TTN: variants seen among roughly 807,000 people sequenced by gnomAD.
TTN encodes connectin.
TTN carries 1,525 observed loss-of-function variants against 3,223.0 expected under a neutral mutation model. The ratio of observed to expected loss-of-function variants is 0.47; its 90% CI spans 0.45 to 0.49. The LOEUF is 0.49. Among genes scored for constraint, TTN ranks in the 20% least tolerant of loss-of-function variants. TTN has a pLI of 0.00. For missense variants in TTN, 40,786 were observed against 43,424.0 expected (o/e 0.94, Z 5.40); for synonymous variants, 14,094 against 15,161.0 (o/e 0.93, Z 5.17).
chr2:178,564,729 T>C lies in TTN; in HGVS notation c.81403A>G (p.Thr27135Ala). 6.2e-7 allele frequency: 1 copy of C among 1,613,192 alleles called. No individual in the cohort carries two copies. The highest frequency in any genetic ancestry group is 8.5e-7 in the Non-Finnish European group (1 of 1,179,538). Residue 27135 changes from threonine (T) to alanine (A), a missense_variant, in exon 326 of 363, where the codon ACT becomes GCT. Thr to Ala is a moderately conservative substitution (Grantham distance 58). Transcript: ENST00000589042. ...TACTCAAGGCCCTCATCAAGCCCAG[T>C]TGTTTTGAATTTGGTGTCCTGAATG... is the stretch of plus-strand genomic sequence containing the variant. ...TPIQDTKFKT[T>A]GLDEGLEYEF...
At chr2:178,792,275 CAT>C (rs1439570197) in intron 9 of TTN, 78 bp from the exon 10 acceptor site, 2 of 1,428,356 alleles carry the variant, frequency 1.4e-6, no homozygotes, top group Admixed American at 4.5e-5. Flanking sequence ...AATATAACAA[CAT>C]AGGAATTTGA....
At position 178,739,420 on chromosome 2, in the gene TTN, C is replaced by T; in HGVS notation, c.13813G>A (p.Gly4605Ser). ...ACTAAAGGTGTATGTATCATGGGGC[C>T]ATCCTCTTTGATTAAGCCACCCTCA... ...EAEGGLIKED[G>S]PMIHTPLVDT... The change falls in exon 48 of 363, where the codon GGC becomes AGC. Residue 4605 changes from glycine (G) to serine (S), a missense_variant. Transcript: ENST00000589042. 4 of 1,613,806 alleles carry T rather than the reference C, an allele frequency of 2.5e-6. No homozygotes were observed. The highest frequency in any genetic ancestry group is 2.5e-6 in the Non-Finnish European group (3 of 1,179,830).
At position 178,794,481 on chromosome 2, in the gene TTN, C is replaced by G; in HGVS notation, c.1316G>C (p.Arg439Thr). The G allele has an allele frequency of 6.2e-7, 1 of 1,614,184 alleles. No homozygotes were observed. Among genetic ancestry groups the G allele is most frequent in the Non-Finnish European group, 8.5e-7 (1 of 1,180,016 alleles). ...CTCTACAGCGCTGATCACTGGTTCT[C>G]TCACTCTGGCCATATCAACGGCAGC... ...VVAAVDMARV[R>T]EPVISAVEQT... Residue 439 changes from arginine (R) to threonine (T), a missense_variant, in exon 8 of 363, where the codon AGA (arginine) becomes ACA (threonine). Physicochemically the swap from Arg to Thr is moderately conservative, Grantham distance 71 (BLOSUM62 -1). Coordinates refer to ENST00000589042, the MANE Select transcript of TTN (RefSeq NM_001267550.2).
intron 43 of TTN, 140 bp downstream of exon 43, chr2:178,764,037 A>C: frequency 7.9e-7 from 1 of 1,271,534 alleles, no homozygotes; most frequent in East Asian, 2.4e-5. Context: ...TAATAATTGA[A>C]ATAAGTTTTC....
rs2062544616 is a variant in TTN, at chr2:178,649,341, T to C, written c.39974-10A>G. 2 of 1,430,760 alleles carry C rather than the reference T, an allele frequency of 1.4e-6. No individual in the cohort carries two copies. The highest frequency in any genetic ancestry group is 1.8e-6 in the Non-Finnish European group (2 of 1,095,524). The allele number at this position is 1,430,760 out of a possible 1,614,324, so 88.6% of individuals were successfully genotyped here. A position where few individuals can be genotyped will look rare whatever the true frequency, so the allele number is the denominator to read the frequency against. ...TTGGGCACCTCAGGCACTTTGAAGA[T>C]ATTAGTTTTGTTTTAAAAATAGTAT... On this transcript the variant is annotated splice_polypyrimidine_tract_variant and intron_variant, in intron 212 of 362. Coordinates refer to ENST00000589042, the MANE Select transcript of TTN (RefSeq NM_001267550.2).
At position 178,568,242 on chromosome 2, in the gene TTN, T is replaced by C. The variant is rs745748153; in HGVS notation, c.77890A>G (p.Arg25964Gly). ...KLKTGTEYQFRIFAENRYGQS... is the reference protein window; with the variant it reads ...KLKTGTEYQFGIFAENRYGQS... ...CCATATCTGTTTTCGGCAAATATTC[T>C]AAATTGGTATTCTGTACCAGTTTTC... The change falls in exon 326 of 363, where the codon AGA becomes GGA. Residue 25964 changes from arginine to glycine, a missense_variant. Arg to Gly is a moderately radical substitution (Grantham distance 125). Coordinates refer to ENST00000589042, the MANE Select transcript of TTN (RefSeq NM_001267550.2). 1.2e-6 allele frequency: 2 copies of C among 1,613,576 alleles called. No homozygotes were observed. The highest frequency in any genetic ancestry group is 2.2e-5 in the South Asian group (2 of 91,078).
At chr2:178,667,360 A>G (rs528476441) in intron 161 of TTN, 41 bp from the exon 162 acceptor site, 444 of 1,571,878 alleles carry the variant, frequency 2.8e-4, no homozygotes, top group South Asian at 4.8e-4. Flanking sequence ...AAGTTGTAAA[A>G]ACAGTAAATT....
intron 281 of TTN, among the ~76,000 whole-genome samples, 182 bp downstream of exon 281, chr2:178,604,526 G>A (rs72646815): frequency 6.6e-6 from 1 of 151,958 alleles, no homozygotes; most frequent in African/African-American, 2.4e-5. Context: ...GAGTATCTGT[G>A]TATCAAACGC....
At chr2:178,689,722 G>T in intron 122 of TTN, 91 bp downstream of exon 122, 1 of 1,454,528 alleles carries the variant, frequency 6.9e-7, no homozygotes, top group Non-Finnish European at 9.4e-7. Flanking sequence ...CATTCATTTA[G>T]AATTAAACTA....
Position 178,794,565 on chromosome 2 carries a change from G to A in TTN, c.1246-14C>T, listed in dbSNP as rs753427490. On this transcript the variant is annotated splice_polypyrimidine_tract_variant and intron_variant, in intron 7 of 362. Coordinates refer to ENST00000589042, the MANE Select transcript of TTN (RefSeq NM_001267550.2). ...ATCTTGTTTCACCTAGATTAGAAAT[G>A]ACCAAGTAGATTACTTTTTTAAATG... 2.5e-6 allele frequency: 4 copies of A among 1,613,960 alleles called. No homozygotes were observed. Among genetic ancestry groups the A allele is most frequent in the African/African-American group, 1.3e-5 (1 of 74,932 alleles).
chr2:178,795,319 G>A (rs1647928117), intron 6 of TTN, 67 bp from the exon 7 acceptor site: 1 of 1,497,916 alleles, frequency 6.7e-7, no homozygotes. Context: ...TGAATCATGA[G>A]ATGAAAAGCT....
chr2:178,623,989 C>T (rs886901804), intron 242 of TTN, among the ~76,000 whole-genome samples: 38 of 152,062 alleles, frequency 2.5e-4, no homozygotes, highest in African/African-American at 7.7e-4. Flanking sequence ...TGTCATATTA[C>T]AGCAGATCTC....
Position 178,663,813 on chromosome 2 carries a change from A to C in TTN, c.36448+6T>G. ...AGATCTGAAGCCTAAGGTCAGTGGCAACTACCTTTAACAGGTGGGACTTCA... is the reference window on the plus strand; with the variant it reads ...AGATCTGAAGCCTAAGGTCAGTGGCCACTACCTTTAACAGGTGGGACTTCA... On this transcript the variant is annotated splice_donor_region_variant and intron_variant, in intron 170 of 362. Coordinates refer to ENST00000589042, the MANE Select transcript of TTN (RefSeq NM_001267550.2). The C allele has an allele frequency of 1.9e-6, 3 of 1,613,500 alleles. No individual in the cohort carries two copies. The highest frequency in any genetic ancestry group is 2.5e-6 in the Non-Finnish European group (3 of 1,179,784).
chr2:178,608,531 A>G (rs2055482021), intron 274 of TTN, 54 bp from the exon 275 acceptor site: 3 of 1,558,808 alleles, frequency 1.9e-6, no homozygotes, highest in African/African-American at 1.4e-5. Context: ...TAAAAATGCA[A>G]TTTTAAAAGC....
At chr2:178,627,382 T>A (rs1403696718) in intron 240 of TTN, among the ~76,000 whole-genome samples, 3 of 151,978 alleles carry the variant, frequency 2.0e-5, no homozygotes, top group African/African-American at 4.8e-5. Context: ...GTATTAAAGT[T>A]CGGAATTACA....
At position 178,664,659 on chromosome 2, in the gene TTN, T is replaced by C. The variant is rs1253085845; in HGVS notation, c.36197A>G (p.Asp12066Gly). 1 of 1,612,206 alleles carries C rather than the reference T, an allele frequency of 6.2e-7. No individual in the cohort carries two copies. Among genetic ancestry groups the C allele is most frequent in the Admixed American group, 1.7e-5 (1 of 59,910 alleles). The change falls in exon 167 of 363, where the codon GAT (aspartate) becomes GGT (glycine). Residue 12066 changes from aspartate to glycine, a missense_variant. Asp to Gly is a moderately conservative substitution (Grantham distance 94). Transcript: ENST00000589042. ...AAGCTTCCAGCAAGATATACCTTCA[T>C]CAGGAAGGACTTCAGGCTTTCTGAG... is the stretch of plus-strand genomic sequence containing the variant. ...VPLRKPEVLP[D>G]EVPEALREVV...
In TTN at chr2:178,531,532, G is replaced by A. The variant is rs56001826; in HGVS notation, c.105083C>T (p.Thr35028Met). ...NYKGEASDYATLDVTGGDYTT... is the reference protein window; with the variant it reads ...NYKGEASDYAMLDVTGGDYTT... ...ATAATCCCCTCCTGTCACGTCCAACGTTGCATAGTCAGAAGCTTCGCCCTT... is the reference window on the plus strand; with the variant it reads ...ATAATCCCCTCCTGTCACGTCCAACATTGCATAGTCAGAAGCTTCGCCCTT... Residue 35028 changes from threonine to methionine, a missense_variant, in exon 358 of 363, where the codon ACG becomes ATG. By Grantham distance (81) the Thr-to-Met change is moderately conservative. Transcript: ENST00000589042. 5.6e-6 allele frequency: 9 copies of A among 1,613,790 alleles called. No homozygotes were observed. In the African/African-American group the frequency reaches 6.7e-5, roughly 12 times the overall value.
In TTN at chr2:178,577,977, T is replaced by C. The variant is rs751461782; in HGVS notation, c.68527+11A>G. On this transcript the variant is annotated intron_variant, in intron 322 of 362. Transcript: ENST00000589042. Reference sequence around the variant, plus strand: ...ACATGCACCTGGGTTTTTCTTCATATAATGACTTACCAATTGGGTCCAGTG... The same window carrying C: ...ACATGCACCTGGGTTTTTCTTCATACAATGACTTACCAATTGGGTCCAGTG... The C allele has an allele frequency of 2.5e-6, 4 of 1,608,562 alleles. No individual in the cohort carries two copies. The highest frequency in any genetic ancestry group is 2.2e-5 in the East Asian group (1 of 44,656).
intron 17 of TTN, 93 bp downstream of exon 17, chr2:178,783,627 G>C: frequency 1.8e-6 from 2 of 1,138,142 alleles, no homozygotes; most frequent in Non-Finnish European, 2.6e-6. Context: ...TGTCATTTTT[G>C]TATTAATTTG....
Sources: gnomAD v4.1 joint callset for allele counts (sites outside exome capture counted in the v4.1 genomes callset) on GRCh38, gnomAD v4.1.1 for gene constraint, MANE v1.5 for transcripts, NCBI Gene and HGNC (gene_info 2026-07-23, HGNC 2026-07-21) for gene names.